Variants in DOCK1 observed in about 807,000 individuals in gnomAD.
DOCK1 encodes dedicator of cytokinesis 1.
A neutral mutation model predicts 262.7 loss-of-function variants in DOCK1; 138 were observed. The observed-to-expected ratio is 0.53, with a 90% CI of 0.46 to 0.61. DOCK1 has a LOEUF of 0.61. DOCK1 is among the 20% of genes least tolerant of loss of function. The probability of loss-of-function intolerance (pLI) is 0.00; values close to 1 mark genes in which losing one functional copy is unlikely to be tolerated. For missense variants in DOCK1, 1,908 were observed against 2,370.7 expected (o/e 0.80, Z 4.05); for synonymous variants, 866 against 867.4 (o/e 1.00, Z 0.03).
chr10:127,027,789 G>A (rs376484850), intron 16 of DOCK1, among the ~76,000 whole-genome samples: 10 of 152,088 alleles, frequency 6.6e-5, no homozygotes, highest in Non-Finnish European at 1.0e-4. Context: ...CATGTGGGGT[G>A]GGTGTGCCTG....
chr10:126,927,352 AT>A (rs1170793447), intron 1 of DOCK1, among the ~76,000 whole-genome samples: 6 of 152,300 alleles, frequency 3.9e-5, no homozygotes, highest in Admixed American at 6.5e-5. Context: ...TGCATTCCAG[AT>A]TCCCCTGGAG....
chr10:127,250,492 C>T (rs1763570963), intron 28 of DOCK1, among the ~76,000 whole-genome samples: 1 of 152,044 alleles, frequency 6.6e-6, no homozygotes, highest in Non-Finnish European at 1.5e-5. Context: ...ATTTGACTTC[C>T]ATTAAGAAAT....
chr10:126,970,259 C>T (rs1253526899), intron 1 of DOCK1, among the ~76,000 whole-genome samples: 1 of 152,170 alleles, frequency 6.6e-6, no homozygotes, highest in African/African-American at 2.4e-5. Context: ...TTTCTTCTAA[C>T]ACAGGACATA....
At chr10:127,342,860 G>A (rs1330046578) in intron 30 of DOCK1, among the ~76,000 whole-genome samples, 2 of 152,174 alleles carry the variant, frequency 1.3e-5, no homozygotes, top group Non-Finnish European at 2.9e-5. Context: ...TGTTTTCCTT[G>A]TCTAGTGTAT....
intron 4 of DOCK1, among the ~76,000 whole-genome samples, chr10:126,983,488 C>T (rs921405055): frequency 6.6e-6 from 1 of 152,176 alleles, no homozygotes; most frequent in South Asian, 2.1e-4. Flanking sequence ...CTGTCTCTTT[C>T]AGGATCTGTC....
At position 127,393,619 on chromosome 10, in the gene DOCK1, A is replaced by C. The variant is rs371340769; in HGVS notation, c.3927+8710A>C. Among the ~76,000 whole-genome samples, 24 of 152,218 alleles carry C rather than the reference A, an allele frequency of 1.6e-4. No homozygotes were observed. The East Asian group carries it at 3.1e-3, about 20-fold the overall frequency. ...GGAGAGACGGGAATCGGGTGATATTAAAGTTTCTCTGCCTTTGTGCTTGGA... is the reference window on the plus strand; with the variant it reads ...GGAGAGACGGGAATCGGGTGATATTCAAGTTTCTCTGCCTTTGTGCTTGGA... On this transcript the variant is annotated intron_variant, in intron 38 of 51. Coordinates refer to ENST00000623213, the MANE Select transcript of DOCK1 (RefSeq NM_001290223.2).
intron 27 of DOCK1, among the ~76,000 whole-genome samples, chr10:127,179,376 A>C (rs1366764015): frequency 6.6e-6 from 1 of 152,228 alleles, no homozygotes; most frequent in Non-Finnish European, 1.5e-5. Flanking sequence ...GTTAGTAAAA[A>C]AATGATGGTA....
At chr10:127,110,993 G>GAA (rs1292735906) in intron 25 of DOCK1, among the ~76,000 whole-genome samples, 2 of 152,184 alleles carry the variant, frequency 1.3e-5, no homozygotes, top group Admixed American at 6.5e-5. Context: ...AGGCAAATGT[G>GAA]AAGTCTGTTG....
At chr10:127,449,437 G>T (rs185249293) in intron 51 of DOCK1, among the ~76,000 whole-genome samples, 1 of 152,102 alleles carries the variant, frequency 6.6e-6, no homozygotes, top group Non-Finnish European at 1.5e-5. Context: ...ACATTTTATT[G>T]TCTCAATTTC....
chr10:127,353,701 A>G (rs1007136706), intron 31 of DOCK1, among the ~76,000 whole-genome samples: 1 of 152,222 alleles, frequency 6.6e-6, no homozygotes, highest in African/African-American at 2.4e-5. Flanking sequence ...ACCACAGCAG[A>G]GCTGCCAGGT....
At chr10:127,257,033 A>T (rs1260232056) in intron 28 of DOCK1, among the ~76,000 whole-genome samples, 1 of 152,190 alleles carries the variant, frequency 6.6e-6, no homozygotes, top group Non-Finnish European at 1.5e-5. Flanking sequence ...GTTTTCCTAG[A>T]AGCAGAAAGG....
chr10:126,968,477 C>A (rs2037846370), intron 1 of DOCK1, among the ~76,000 whole-genome samples: 1 of 152,036 alleles, frequency 6.6e-6, no homozygotes, highest in Non-Finnish European at 1.5e-5. Context: ...TTTCCATATC[C>A]ATGTATGAGA....
At chr10:127,044,310 G>C (rs1430223945) in intron 21 of DOCK1, among the ~76,000 whole-genome samples, 2 of 152,128 alleles carry the variant, frequency 1.3e-5, no homozygotes, top group East Asian at 3.9e-4. Context: ...TATCTGCCTC[G>C]TGTGCGTGTT....
chr10:127,116,694 T>C (rs12243768), intron 25 of DOCK1, among the ~76,000 whole-genome samples: 22,327 of 152,138 alleles, frequency 0.15, 1,859 homozygotes, highest in African/African-American at 0.22. Flanking sequence ...TTGTGGAAAA[T>C]AGAAATATAT....
At position 127,451,582 on chromosome 10, in the gene DOCK1, GGAGT is replaced by G. The variant is rs1183113140; in HGVS notation, c.*161_*164del. ...TTCAAAGGAGTTCAGTTCTCACCAT[GGAGT>G]GAGTGGCCTTTAGCGTCATGGAGCA... is the stretch of plus-strand genomic sequence containing the variant. On this transcript the variant is annotated 3_prime_UTR_variant, in exon 52 of 52. Coordinates refer to ENST00000623213, the MANE Select transcript of DOCK1 (RefSeq NM_001290223.2). The G allele has an allele frequency of 6.8e-7, 1 of 1,477,842 alleles. No individual in the cohort carries two copies. The highest frequency in any genetic ancestry group is 1.4e-5 in the African/African-American group (1 of 71,816). The allele number at this position is 1,477,842 out of a possible 1,614,324, so 91.5% of individuals were successfully genotyped here.
intron 1 of DOCK1, among the ~76,000 whole-genome samples, chr10:126,934,747 G>GTTTTTTTTTTTTTT (rs1166445414): frequency 1.2e-4 from 13 of 107,448 alleles, no homozygotes; most frequent in African/African-American, 2.0e-4. Flanking sequence ...GAATTTACGA[G>GTTTTTTTTTTTTTT]TTTTTTTTTT....
At chr10:127,156,590 C>T (rs1282523817) in intron 27 of DOCK1, among the ~76,000 whole-genome samples, 1 of 82,758 alleles carries the variant, frequency 1.2e-5, no homozygotes, top group Non-Finnish European at 2.2e-5. Flanking sequence ...TTTTTGAGAC[C>T]AAGTTTCGCT....
chr10:127,254,294 T>C (rs2489417), intron 28 of DOCK1, among the ~76,000 whole-genome samples: 150,256 of 152,324 alleles, frequency 0.99, 74,157 homozygotes, highest in Middle Eastern at 1. Context: ...GACCAATCCA[T>C]TAGCTTTTGT....
At chr10:126,964,589 A>T (rs1161124867) in intron 1 of DOCK1, among the ~76,000 whole-genome samples, 2 of 152,270 alleles carry the variant, frequency 1.3e-5, no homozygotes, top group African/African-American at 4.8e-5. Flanking sequence ...CAGAGCAATT[A>T]ATTTTCACAA....
Sources: gnomAD v4.1 joint callset for allele counts (sites outside exome capture counted in the v4.1 genomes callset) on GRCh38, gnomAD v4.1.1 for gene constraint, MANE v1.5 for transcripts, NCBI Gene and HGNC (gene_info 2026-07-23, HGNC 2026-07-21) for gene names.